Variants in PUM3 observed in about 807,000 individuals in gnomAD.
The protein encoded by PUM3 is pumilio RNA binding family member 3.
In PUM3, 91 loss-of-function variants were observed where a neutral mutation model predicts 84.0. The ratio of observed to expected loss-of-function variants is 1.08; its 90% confidence interval spans 0.91 to 1.29. The LOEUF (loss-of-function observed/expected upper bound fraction) is 1.29. Ranked by LOEUF, PUM3 falls within the 50% of genes most tolerant of loss-of-function variation. The pLI is 0.00. For synonymous variants in PUM3, 321 were observed against 266.7 expected, an observed-to-expected ratio of 1.20 and a Z score of -1.98; for missense variants, 1,067 against 767.5, an observed-to-expected ratio of 1.39 and a Z score of -4.61.
At chr9:2,843,642 G>C (rs1214454237) in intron 1 of PUM3, among the ~76,000 whole-genome samples, 1 of 139,278 alleles carries the variant, frequency 7.2e-6, no homozygotes, top group Non-Finnish European at 1.5e-5. Flanking sequence ...GTAGTGGCAC[G>C]ATCTTGGCTC....
chr9:2,818,506 C>T (rs184239186), intron 13 of PUM3, among the ~76,000 whole-genome samples: 10 of 152,146 alleles, frequency 6.6e-5, no homozygotes, highest in Admixed American at 3.9e-4. Flanking sequence ...TTTTAGTTGT[C>T]GTGAAAATAT....
intron 1 of PUM3, among the ~76,000 whole-genome samples, chr9:2,843,618 T>A (rs1169679374): frequency 1.5e-5 from 2 of 132,150 alleles, no homozygotes; most frequent in South Asian, 2.6e-4. Context: ...TTGCTCTGTC[T>A]CCCAGGCTGG....
intron 9 of PUM3, 131 bp from the exon 10 acceptor site, chr9:2,827,282 AAT>A (rs1815849334): frequency 1.6e-6 from 1 of 607,104 alleles, no homozygotes; most frequent in South Asian, 2.7e-5. Context: ...TTTGTCATAA[AAT>A]AGACTGTATT....
chr9:2,811,488 A>G lies in PUM3; in HGVS notation c.1508T>C (p.Leu503Pro). Residue 503 changes from leucine (L) to proline (P), a missense_variant, in exon 15 of 18, where the codon CTA becomes CCA. Transcript: ENST00000397885. The stretch of plus-strand genomic sequence containing the variant: ...CACCAACACACACGCAGACTTATCT[A>G]GCACCACTTCTTGGGCGTGTTCTTG... ...YLQEHAQEVV[L>P]DKSACVLVSD... is the part of the protein sequence containing the mutation. 8 of 1,614,196 alleles carry G rather than the reference A, an allele frequency of 5.0e-6. No individual in the cohort carries two copies. The highest frequency in any genetic ancestry group is 5.1e-6 in the Non-Finnish European group (6 of 1,180,026).
chr9:2,834,079 T>A lies in PUM3; in HGVS notation c.392A>T (p.Asn131Ile). ...KQSRQLSDKT[N>I]YDIVVRAKQM... ...CTTTGCCCGAACAACAATGTCATAG[T>A]TGGTTTTATCACTGAGTTGTCTGCT... The change falls in exon 4 of 18, where the codon AAC becomes ATC. Residue 131 changes from asparagine (N) to isoleucine (I), a missense_variant. Asn to Ile is a moderately radical substitution (Grantham distance 149, BLOSUM62 -3). Transcript: ENST00000397885. 6.2e-7 allele frequency: 1 copy of A among 1,613,888 alleles called. No homozygotes were observed.
chr9:2,807,888 T>G lies in PUM3; in HGVS notation c.1740A>C (p.Thr580=). ...TCTTCATACCAACATGCTCTACAAG[T>G]GTTTTTGCAAAACAACCTGTAAAAT... The part of the protein sequence containing the change: ...ENGREGCFAK[T]LVEHVGMKNL... The change falls in exon 17 of 18, where the codon ACA becomes ACC. Residue 580 remains threonine (T), a synonymous_variant. Transcript: ENST00000397885. The G allele has an allele frequency of 6.2e-7, 1 of 1,612,820 alleles. No homozygotes were observed. The highest frequency in any genetic ancestry group is 1.1e-5 in the South Asian group (1 of 91,068).
At chr9:2,833,152 C>G (rs746070030) in intron 5 of PUM3, among the ~76,000 whole-genome samples, 1 of 152,150 alleles carries the variant, frequency 6.6e-6, no homozygotes, top group Non-Finnish European at 1.5e-5. Flanking sequence ...ACTGAAAAGA[C>G]TGATAATCTT....
rs1815867251 is a variant in PUM3, at chr9:2,827,935, AC to A, written c.956+739del. On this transcript the variant is annotated intron_variant, in intron 9 of 17. Transcript: ENST00000397885. The stretch of plus-strand genomic sequence containing the variant: ...GGGGGAGTGGGGAACCAGGAGTCGT[AC>A]CCAGGCAGTCGGGTCCCAAAAGCTA... 2.6e-5 allele frequency among the ~76,000 whole-genome samples: 4 copies of A among 152,338 alleles called. No individual in the cohort carries two copies. In the East Asian group the frequency reaches 7.7e-4, roughly 29 times the overall value.
At chr9:2,823,693 T>A in intron 12 of PUM3, 88 bp downstream of exon 12, 1 of 555,666 alleles carries the variant, frequency 1.8e-6, no homozygotes. Flanking sequence ...GCTTGGTAAT[T>A]TTCTGAATTT....
intron 12 of PUM3, among the ~76,000 whole-genome samples, chr9:2,822,641 A>G (rs1815683249): frequency 1.3e-5 from 2 of 150,680 alleles, no homozygotes; most frequent in African/African-American, 4.8e-5. Context: ...ATTTTAATGT[A>G]AGGTATTCAA....
rs1563831152 is a variant in PUM3, at chr9:2,824,868, A to G, written c.1036-53T>C. 4 of 1,289,760 alleles carry G rather than the reference A, an allele frequency of 3.1e-6. No individual in the cohort carries two copies. In the East Asian group the frequency reaches 8.2e-5, roughly 26 times the overall value. 79.9% of individuals were successfully genotyped at this position (1,289,760 alleles called of 1,614,324 possible). On this transcript the variant is annotated intron_variant, in intron 10 of 17. Transcript: ENST00000397885. ...GGCTCTGCTTTATTTTCTTCTTTCTACTGTTTTATCTGTCTGTCTACAGGG... is the reference window on the plus strand; with the variant it reads ...GGCTCTGCTTTATTTTCTTCTTTCTGCTGTTTTATCTGTCTGTCTACAGGG...
intron 13 of PUM3, among the ~76,000 whole-genome samples, chr9:2,815,150 G>A (rs965513848): frequency 6.6e-6 from 1 of 152,034 alleles, no homozygotes; most frequent in Non-Finnish European, 1.5e-5. Context: ...TTTAATTAAG[G>A]CTTTTAAAAG....
At chr9:2,833,463 T>C (rs978356488) in intron 4 of PUM3, 31 bp from the exon 5 acceptor site, 2 of 1,238,274 alleles carry the variant, frequency 1.6e-6, no homozygotes, top group Admixed American at 1.9e-5. Context: ...GAAACACAGT[T>C]GAAATAAAGA....
Position 2,807,819 on chromosome 9 carries a change from A to G in PUM3, c.1809T>C (p.Leu603=). The change falls in exon 17 of 18, where the codon CTT becomes CTC. Residue 603 remains leucine, a synonymous_variant. Coordinates refer to ENST00000397885, the MANE Select transcript of PUM3 (RefSeq NM_014878.5). ...AGGGCACATGTTATACATACCTAGA[A>G]AGAATAATGGCACCTCGATTTACAC... The part of the protein sequence containing the change: ...WASVNRGAII[L]SSLLQSCDLE... The G allele has an allele frequency of 3.8e-6, 6 of 1,599,470 alleles. No homozygotes were observed. The South Asian group carries it at 6.6e-5, about 18-fold the overall frequency.
At position 2,831,021 on chromosome 9, in the gene PUM3, C is replaced by A; in HGVS notation, c.618G>T (p.Leu206Phe). Residue 206 changes from leucine (L) to phenylalanine (F), a missense_variant, in exon 7 of 18, where the codon TTG becomes TTT. By Grantham distance (22) the Leu-to-Phe change is conservative. Transcript: ENST00000397885. ...KQAFEELRDD[L>F]VELSKAKYSR... ...AATATTTGGCTTTACTTAACTCAAC[C>A]AAATCATCTGAAAAACAAAAATACA... is the stretch of plus-strand genomic sequence containing the variant. The A allele has an allele frequency of 6.7e-7, 1 of 1,484,608 alleles. No individual in the cohort carries two copies. Among genetic ancestry groups the A allele is most frequent in the South Asian group, 1.2e-5 (1 of 85,988 alleles). 92.0% of individuals were successfully genotyped at this position (1,484,608 alleles called of 1,614,324 possible). A position where few individuals can be genotyped will look rare whatever the true frequency, so the allele number is the denominator to read the frequency against.
intron 12 of PUM3, among the ~76,000 whole-genome samples, chr9:2,820,545 A>G (rs565635987): frequency 1.3e-5 from 2 of 152,136 alleles, no homozygotes; most frequent in Non-Finnish European, 2.9e-5. Flanking sequence ...ATACACACAC[A>G]CACACGATAT....
chr9:2,833,144 T>C (rs1816028343), intron 5 of PUM3, among the ~76,000 whole-genome samples: 1 of 152,182 alleles, frequency 6.6e-6, no homozygotes, highest in South Asian at 2.1e-4. Flanking sequence ...AAAAAATGAC[T>C]GAAAAGACTG....
At chr9:2,812,937 T>C (rs765685797) in intron 13 of PUM3, among the ~76,000 whole-genome samples, 3 of 152,242 alleles carry the variant, frequency 2.0e-5, no homozygotes, top group Admixed American at 6.5e-5. Flanking sequence ...AACACTTCTA[T>C]TAGAATTTCC....
At chr9:2,811,269 C>A in intron 15 of PUM3, 92 bp downstream of exon 15, 3 of 972,520 alleles carry the variant, frequency 3.1e-6, no homozygotes, top group Non-Finnish European at 4.8e-6. Context: ...GTATCTCCCT[C>A]CCCAGCTTTC....
Sources: allele counts gnomAD v4.1 joint callset (sites outside exome capture counted in the v4.1 genomes callset), GRCh38; gene constraint gnomAD v4.1.1; transcripts MANE v1.5; gene names NCBI Gene and HGNC (gene_info 2026-07-23, HGNC 2026-07-21).